Variants in LRCH1 observed in about 807,000 individuals in gnomAD.
LRCH1 encodes leucine rich repeats and calponin homology domain containing 1, also known as leucine-rich repeat and calponin homology domain-containing protein 1.
LRCH1 carries 23 observed loss-of-function variants against 94.9 expected under a neutral mutation model. The ratio of observed to expected loss-of-function variants is 0.24; its 90% CI spans 0.17 to 0.34. The LOEUF (loss-of-function observed/expected upper bound fraction) is 0.34. Among genes scored for constraint, LRCH1 ranks in the 10% least tolerant of loss-of-function variants. The pLI is 1.00. For synonymous variants in LRCH1, 364 were observed against 354.9 expected (o/e 1.03, Z -0.29); for missense variants, 790 against 945.9 (o/e 0.84, Z 2.16).
chr13:46,701,518 AT>A (rs950512594), intron 11 of LRCH1, among the ~76,000 whole-genome samples: 1 of 152,198 alleles, frequency 6.6e-6, no homozygotes, highest in Non-Finnish European at 1.5e-5. Context: ...CATGTTTTAT[AT>A]TGCTTAAAGT....
chr13:46,711,735 C>A, intron 13 of LRCH1, 56 bp from the exon 14 acceptor site: 1 of 1,358,494 alleles, frequency 7.4e-7, no homozygotes, highest in Non-Finnish European at 1.0e-6. Context: ...GAATTTCTTG[C>A]CTCAACAGTT....
In LRCH1 at chr13:46,663,897, T is replaced by C. The variant is rs989510338; in HGVS notation, c.453-5133T>C. On this transcript the variant is annotated intron_variant, in intron 2 of 19. Coordinates refer to ENST00000389797, the MANE Select transcript of LRCH1 (RefSeq NM_001164211.2). Reference sequence around the variant, plus strand: ...TAATAGTTTTGTGATGGTTAATGACTTTACATCATTATTTCCATTACTATT... The same window carrying C: ...TAATAGTTTTGTGATGGTTAATGACCTTACATCATTATTTCCATTACTATT... Among the ~76,000 whole-genome samples the C allele has an allele frequency of 2.6e-5, 4 of 152,336 alleles. No individual in the cohort carries two copies. In the East Asian group the frequency reaches 5.8e-4, roughly 22 times the overall value.
chr13:46,717,809 T>G (rs1872397800), intron 16 of LRCH1: 1 of 152,220 alleles, frequency 6.6e-6, no homozygotes. Flanking sequence ...TTTAAAATTC[T>G]TTCAAATATC....
chr13:46,665,307 C>T (rs2051500905), intron 2 of LRCH1, among the ~76,000 whole-genome samples: 1 of 152,060 alleles, frequency 6.6e-6, no homozygotes, highest in Non-Finnish European at 1.5e-5. Flanking sequence ...CAATAAGTGC[C>T]ATAGTCAAAA....
At chr13:46,592,840 T>C (rs1347324288) in intron 1 of LRCH1, among the ~76,000 whole-genome samples, 1 of 152,196 alleles carries the variant, frequency 6.6e-6, no homozygotes, top group African/African-American at 2.4e-5. Flanking sequence ...TTTAGACTGA[T>C]AGATCCCTTC....
At chr13:46,641,237 A>C (rs2051154388) in intron 1 of LRCH1, among the ~76,000 whole-genome samples, 1 of 152,172 alleles carries the variant, frequency 6.6e-6, no homozygotes, top group Admixed American at 6.5e-5. Flanking sequence ...ATTCTTCTAG[A>C]GAGACCCTTG....
intron 1 of LRCH1, among the ~76,000 whole-genome samples, chr13:46,583,393 T>C (rs1004597982): frequency 6.6e-6 from 1 of 152,234 alleles, no homozygotes; most frequent in Non-Finnish European, 1.5e-5. Flanking sequence ...CAATGATCTA[T>C]TTCCTGCACT....
At chr13:46,626,694 T>A (rs1312001487) in intron 1 of LRCH1, among the ~76,000 whole-genome samples, 1 of 152,236 alleles carries the variant, frequency 6.6e-6, no homozygotes, top group Non-Finnish European at 1.5e-5. Context: ...TCTCCTCACA[T>A]GGACGTGCAT....
At chr13:46,576,482 T>A (rs904149747) in intron 1 of LRCH1, among the ~76,000 whole-genome samples, 1 of 152,216 alleles carries the variant, frequency 6.6e-6, no homozygotes, top group Admixed American at 6.5e-5. Context: ...GATCTGTGCA[T>A]ATTTTGAGAC....
At chr13:46,553,750 TG>T (rs1261528946) in intron 1 of LRCH1, 47 bp downstream of exon 1, 5 of 1,591,358 alleles carry the variant, frequency 3.1e-6, no homozygotes, top group Non-Finnish European at 4.3e-6. Flanking sequence ...GCTGTCTGGG[TG>T]TCTGTCGTGC....
At chr13:46,670,861 T>C (rs1040972758) in intron 3 of LRCH1, among the ~76,000 whole-genome samples, 3 of 152,078 alleles carry the variant, frequency 2.0e-5, no homozygotes, top group Non-Finnish European at 4.4e-5. Flanking sequence ...AGGGACAGCT[T>C]GTGCAAAGGC....
At chr13:46,563,542 A>G (rs1487147911) in intron 1 of LRCH1, among the ~76,000 whole-genome samples, 1 of 152,226 alleles carries the variant, frequency 6.6e-6, no homozygotes, top group Non-Finnish European at 1.5e-5. Context: ...TCATGAGGAC[A>G]TTGGTTATAA....
intron 1 of LRCH1, among the ~76,000 whole-genome samples, chr13:46,611,037 C>T (rs1166455949): frequency 6.6e-6 from 1 of 152,146 alleles, no homozygotes; most frequent in Non-Finnish European, 1.5e-5. Context: ...AGAAACAGCT[C>T]TAGAGGTGCT....
At chr13:46,718,100 A>G (rs1338130625) in intron 16 of LRCH1, among the ~76,000 whole-genome samples, 1 of 152,156 alleles carries the variant, frequency 6.6e-6, no homozygotes, top group East Asian at 1.9e-4. Context: ...CTCTTACTGA[A>G]TCTTTCCTCT....
chr13:46,675,209 A>G (rs995959415), intron 3 of LRCH1, among the ~76,000 whole-genome samples: 1 of 152,260 alleles, frequency 6.6e-6, no homozygotes, highest in East Asian at 1.9e-4. Flanking sequence ...TATAAATGCC[A>G]TGTGTTATAA....
At position 46,743,040 on chromosome 13, in the gene LRCH1, G is replaced by T. The variant is rs1873746941; in HGVS notation, c.*1192G>T. ...AGCCAGAATGTCCCTGGATTCAGGG[G>T]TGTCTTTGTATAATATGAGAGGGCC... On this transcript the variant is annotated 3_prime_UTR_variant, in exon 20 of 20. Coordinates refer to ENST00000389797, the MANE Select transcript of LRCH1 (RefSeq NM_001164211.2). The T allele has an allele frequency of 3.0e-6, 3 of 985,392 alleles. No individual in the cohort carries two copies. The highest frequency in any genetic ancestry group is 1.7e-5 in the African/African-American group (1 of 57,342). 61.0% of individuals were successfully genotyped at this position (985,392 alleles called of 1,614,324 possible).
At chr13:46,671,498 G>C (rs7983898) in intron 3 of LRCH1, among the ~76,000 whole-genome samples, 96,606 of 152,104 alleles carry the variant, frequency 0.64, 31,163 homozygotes, top group Middle Eastern at 0.72. Context: ...TGTGAAGACC[G>C]TCAGGTGCTG....
rs538063989 is a variant in LRCH1 at position 46,581,887 on chromosome 13, T to C, written c.307+28184T>C. 2.6e-5 allele frequency among the ~76,000 whole-genome samples: 4 copies of C among 152,304 alleles called. No homozygotes were observed. In the South Asian group the frequency reaches 8.3e-4, roughly 32 times the overall value. ...CAATAAAAGAGACTTTTGGAAATTA[T>C]TTTGGGAAAATGAAGTCTTTGGGAG... On this transcript the variant is annotated intron_variant, in intron 1 of 19. Transcript: ENST00000389797.
chr13:46,639,311 G>T (rs1817475288), intron 1 of LRCH1, among the ~76,000 whole-genome samples: 2 of 152,086 alleles, frequency 1.3e-5, no homozygotes, highest in African/African-American at 4.8e-5. Context: ...GTAAATTTGG[G>T]CATGCAGAAA....
Sources: gnomAD v4.1 joint callset for allele counts (sites outside exome capture counted in the v4.1 genomes callset) on GRCh38, gnomAD v4.1.1 for gene constraint, MANE v1.5 for transcripts, NCBI Gene and HGNC (gene_info 2026-07-23, HGNC 2026-07-21) for gene names.